SPOP: variants seen among roughly 807,000 people sequenced by gnomAD.
SPOP encodes the protein speckle type BTB/POZ protein, also known as speckle-type POZ protein.
SPOP carries 11 observed loss-of-function variants against 45.6 expected under a neutral mutation model. The ratio of observed to expected loss-of-function variants is 0.24; its 90% CI spans 0.15 to 0.40. The LOEUF (loss-of-function observed/expected upper bound fraction) is 0.40. Ranked by LOEUF, SPOP falls within the 10% of genes least tolerant of loss-of-function variation. SPOP has a pLI of 1.00. For missense variants in SPOP, 152 were observed against 465.6 expected, an observed-to-expected ratio of 0.33 and a Z score of 6.20; for synonymous variants, 166 against 166.3, an observed-to-expected ratio of 1.00 and a Z score of 0.01.
At chr17:49,621,576 T>G (rs1418025442) in intron 3 of SPOP, among the ~76,000 whole-genome samples, 1 of 152,246 alleles carries the variant, frequency 6.6e-6, no homozygotes, top group East Asian at 1.9e-4. Context: ...CAGCCCTTAC[T>G]CATGCATAGC....
chr17:49,609,480 CAG>C (rs2071921791), intron 6 of SPOP, among the ~76,000 whole-genome samples: 1 of 152,100 alleles, frequency 6.6e-6, no homozygotes, highest in South Asian at 2.1e-4. Context: ...TGAAATCACT[CAG>C]GGAGAAGAAG....
At chr17:49,605,127 G>T (rs1371932072) in intron 8 of SPOP, among the ~76,000 whole-genome samples, 1 of 152,120 alleles carries the variant, frequency 6.6e-6, no homozygotes, top group East Asian at 1.9e-4. Context: ...ATATGTCTTT[G>T]ATTCTAAGAT....
chr17:49,642,047 CT>C (rs917065058), intron 1 of SPOP, among the ~76,000 whole-genome samples: 1 of 150,790 alleles, frequency 6.6e-6, no homozygotes, highest in African/African-American at 2.4e-5. Flanking sequence ...AGTGTAATAC[CT>C]GTTTTTAATA....
At chr17:49,646,474 G>C (rs1466177248) in intron 1 of SPOP, 1 of 151,650 alleles carries the variant, frequency 6.6e-6, no homozygotes, top group Non-Finnish European at 1.5e-5. Context: ...GGAGGCCACA[G>C]TGAGCCGAGA....
intron 1 of SPOP, among the ~76,000 whole-genome samples, chr17:49,624,319 ACGCG>A (rs551185712): frequency 5.1e-5 from 6 of 118,782 alleles, no homozygotes; most frequent in South Asian, 2.9e-4. Context: ...ACACACACAC[ACGCG>A]CGCGCGCGCA....
At chr17:49,610,086 G>A (rs79499253) in intron 6 of SPOP, among the ~76,000 whole-genome samples, 79 of 152,282 alleles carry the variant, frequency 5.2e-4, no homozygotes, top group Non-Finnish European at 8.1e-4. Context: ...AGGAGTTAAA[G>A]AGTGGTTAAG....
intron 1 of SPOP, among the ~76,000 whole-genome samples, chr17:49,640,010 G>A (rs2072616126): frequency 6.6e-6 from 1 of 152,160 alleles, no homozygotes; most frequent in South Asian, 2.1e-4. Context: ...AACACTTTGG[G>A]AGGCTGAGGA....
In SPOP at chr17:49,653,195, A is replaced by G. The variant is rs192812622; in HGVS notation, c.-67+24738T>C. On this transcript the variant is annotated intron_variant, in intron 1 of 9. Coordinates refer to ENST00000504102, the MANE Select transcript of SPOP (RefSeq NM_001007228.2). ...TATGCCCCTTTGGAAACACTGTTAAAATTGTATCTACTTTTCTTCATATAT... is the reference window on the plus strand; with the variant it reads ...TATGCCCCTTTGGAAACACTGTTAAGATTGTATCTACTTTTCTTCATATAT... 5.4e-4 allele frequency among the ~76,000 whole-genome samples: 82 copies of G among 152,276 alleles called. 1 individual carries two copies. Among genetic ancestry groups the G allele is most frequent in the African/African-American group, 1.9e-3 (78 of 41,568 alleles).
At chr17:49,651,852 C>T (rs2072846559) in intron 1 of SPOP, among the ~76,000 whole-genome samples, 1 of 152,064 alleles carries the variant, frequency 6.6e-6, no homozygotes, top group Non-Finnish European at 1.5e-5. Context: ...AACCCTGTCT[C>T]CACTAAAAAT....
intron 1 of SPOP, among the ~76,000 whole-genome samples, chr17:49,674,125 C>T (rs954790850): frequency 1.3e-5 from 2 of 151,720 alleles, no homozygotes; most frequent in African/African-American, 4.9e-5. Context: ...CCAGCCTGGG[C>T]AACAGCCGTG....
intron 6 of SPOP, among the ~76,000 whole-genome samples, chr17:49,608,519 A>G (rs2071898073): frequency 1.3e-5 from 2 of 152,218 alleles, no homozygotes; most frequent in South Asian, 4.1e-4. Context: ...GTCCCTTTAA[A>G]GCACAACCCT....
intron 1 of SPOP, among the ~76,000 whole-genome samples, chr17:49,642,065 C>T (rs1197002694): frequency 1.3e-5 from 2 of 151,178 alleles, no homozygotes; most frequent in Non-Finnish European, 1.5e-5. Context: ...AATAACAATG[C>T]CATTGAGGGC....
chr17:49,624,041 G>C (rs1413745251), intron 1 of SPOP, among the ~76,000 whole-genome samples: 1 of 151,804 alleles, frequency 6.6e-6, no homozygotes, highest in African/African-American at 2.4e-5. Flanking sequence ...ATCTCAATGG[G>C]GTGTCTCAGT....
intron 1 of SPOP, among the ~76,000 whole-genome samples, chr17:49,632,009 C>G (rs765848083): frequency 5.3e-5 from 8 of 152,158 alleles, no homozygotes; most frequent in Non-Finnish European, 7.3e-5. Context: ...AGAAGTTAAG[C>G]TCAACGAGAA....
chr17:49,661,431 C>G (rs149040801), intron 1 of SPOP, among the ~76,000 whole-genome samples: 1 of 152,146 alleles, frequency 6.6e-6, no homozygotes, highest in Non-Finnish European at 1.5e-5. Context: ...CCTTCTGCCT[C>G]AATTCCCTTC....
In SPOP at chr17:49,678,084, C is replaced by G. The variant is rs966308802; in HGVS notation, c.-218G>C. 7.5e-6 allele frequency: 3 copies of G among 398,346 alleles called. No individual in the cohort carries two copies. Among genetic ancestry groups the G allele is most frequent in the African/African-American group, 2.1e-5 (1 of 48,606 alleles). 24.7% of individuals were successfully genotyped at this position (398,346 alleles called of 1,614,324 possible). The stretch of plus-strand genomic sequence containing the variant: ...ACACACACATACACACCGACACACA[C>G]CAGCCGGGGCGTCATGGCGTCAGCA... On this transcript the variant is annotated 5_prime_UTR_variant, in exon 1 of 10. Transcript: ENST00000504102.
chr17:49,655,308 G>C (rs1374388802), intron 1 of SPOP, among the ~76,000 whole-genome samples: 1 of 152,094 alleles, frequency 6.6e-6, no homozygotes, highest in Non-Finnish European at 1.5e-5. Flanking sequence ...TCAGGAGATC[G>C]AGACCATCCT....
At chr17:49,667,396 C>T (rs1480378371) in intron 1 of SPOP, among the ~76,000 whole-genome samples, 1 of 151,048 alleles carries the variant, frequency 6.6e-6, no homozygotes, top group Non-Finnish European at 1.5e-5. Flanking sequence ...TCGAGACCAG[C>T]CCGGTCAACA....
intron 1 of SPOP, among the ~76,000 whole-genome samples, chr17:49,623,805 T>A (rs1275871939): frequency 6.6e-6 from 1 of 152,194 alleles, no homozygotes; most frequent in African/African-American, 2.4e-5. Context: ...TCTCCTTTAC[T>A]AGATTATCTT....
Sources: gnomAD v4.1 joint callset for allele counts (sites outside exome capture counted in the v4.1 genomes callset) on GRCh38, gnomAD v4.1.1 for gene constraint, MANE v1.5 for transcripts, NCBI Gene and HGNC (gene_info 2026-07-23, HGNC 2026-07-21) for gene names.